Variants in CAND2 observed in about 807,000 individuals in gnomAD.
CAND2 encodes cullin-associated NEDD8-dissociated protein 2.
CAND2 carries 62 observed loss-of-function variants against 98.9 expected under a neutral mutation model. The ratio of observed to expected loss-of-function variants is 0.63; its 90% CI spans 0.51 to 0.77. The LOEUF is 0.77. CAND2 is among the 30% of genes least tolerant of loss of function. The pLI, the probability that CAND2 is intolerant of heterozygous loss-of-function variation, is 0.00. For synonymous variants in CAND2, 770 were observed against 731.9 expected (o/e 1.05, Z -0.84); for missense variants, 1,501 against 1,655.2 (o/e 0.91, Z 1.62).
intron 13 of CAND2, among the ~76,000 whole-genome samples, chr3:12,830,455 G>T (rs528855267): frequency 6.6e-6 from 1 of 152,318 alleles, no homozygotes; most frequent in South Asian, 2.1e-4. Flanking sequence ...ACAGAGTGAG[G>T]AGTTCTGGGC....
intron 2 of CAND2, 47 bp downstream of exon 2, chr3:12,803,678 T>G: frequency 6.6e-7 from 1 of 1,524,258 alleles, no homozygotes; most frequent in Non-Finnish European, 8.8e-7. Context: ...CTACCTTGTG[T>G]GGGAGCATCC....
chr3:12,813,754 C>T (rs1029814630), intron 7 of CAND2, among the ~76,000 whole-genome samples: 6 of 152,208 alleles, frequency 3.9e-5, no homozygotes, highest in Admixed American at 2.0e-4. Flanking sequence ...GCACTGCCAC[C>T]GTGTACCCTT....
At chr3:12,800,904 G>A (rs2061761167) in intron 1 of CAND2, among the ~76,000 whole-genome samples, 1 of 151,760 alleles carries the variant, frequency 6.6e-6, no homozygotes, top group South Asian at 2.1e-4. Context: ...CGTATTTTTA[G>A]TAGAGATGGG....
chr3:12,802,399 G>A (rs961930570), intron 1 of CAND2, among the ~76,000 whole-genome samples: 2 of 152,196 alleles, frequency 1.3e-5, no homozygotes, highest in Non-Finnish European at 2.9e-5. Flanking sequence ...ATGATGTCCT[G>A]TGCCATTATA....
intron 1 of CAND2, among the ~76,000 whole-genome samples, chr3:12,798,053 C>A (rs6794014): frequency 0.071 from 10,752 of 152,050 alleles, 477 homozygotes; most frequent in African/African-American, 0.12. Context: ...CCATGAGTCT[C>A]CCTGTGCTTC....
chr3:12,812,072 C>G (rs1036148860), intron 5 of CAND2, among the ~76,000 whole-genome samples: 1 of 151,412 alleles, frequency 6.6e-6, no homozygotes, highest in Non-Finnish European at 1.5e-5. Flanking sequence ...CCACGTGCAG[C>G]TAATTTTTGT....
chr3:12,833,715 C>G lies in CAND2; in HGVS notation c.3484-40C>G, dbSNP rs763191096. 11 of 1,533,666 alleles carry G rather than the reference C, an allele frequency of 7.2e-6. No individual in the cohort carries two copies. The Admixed American group carries it at 1.8e-4, about 26-fold the overall frequency. ...TGAGGAGGCAGTGGTGTGGGCCAGG[C>G]TCAATAAAGGATGGCTGCTTCTGCT... On this transcript the variant is annotated intron_variant, in intron 14 of 14. Coordinates refer to ENST00000456430, the MANE Select transcript of CAND2 (RefSeq NM_001162499.2).
chr3:12,821,353 T>TTG (rs1256318767), intron 11 of CAND2, among the ~76,000 whole-genome samples: 1 of 151,984 alleles, frequency 6.6e-6, no homozygotes, highest in Non-Finnish European at 1.5e-5. Flanking sequence ...TGAGCCAAGA[T>TTG]CGTACCATTG....
intron 13 of CAND2, 88 bp downstream of exon 13, chr3:12,827,692 C>T: frequency 7.8e-7 from 1 of 1,280,268 alleles, no homozygotes; most frequent in Non-Finnish European, 1.1e-6. Context: ...TGTCCTTGCT[C>T]CCTACTCCAG....
At chr3:12,812,809 G>A (rs2061863875) in intron 5 of CAND2, among the ~76,000 whole-genome samples, 181 bp from the exon 6 acceptor site, 1 of 152,226 alleles carries the variant, frequency 6.6e-6, no homozygotes, top group South Asian at 2.1e-4. Context: ...ACCTGCCCAA[G>A]GTCCCATAGC....
intron 11 of CAND2, among the ~76,000 whole-genome samples, chr3:12,822,360 T>TC (rs1267858946): frequency 6.8e-6 from 1 of 148,002 alleles, no homozygotes; most frequent in African/African-American, 2.5e-5. Flanking sequence ...AATGGCACAG[T>TC]CATACCTTAC....
intron 2 of CAND2, among the ~76,000 whole-genome samples, chr3:12,806,874 C>T (rs1316832119): frequency 6.6e-6 from 1 of 152,188 alleles, no homozygotes; most frequent in Non-Finnish European, 1.5e-5. Flanking sequence ...CAGAGGTTCT[C>T]CAAGTGTGCT....
chr3:12,833,735 TCTG>T lies in CAND2; in HGVS notation c.3484-16_3484-14del, dbSNP rs1282221449. On this transcript the variant is annotated splice_polypyrimidine_tract_variant and intron_variant, in intron 14 of 14. Coordinates refer to ENST00000456430, the MANE Select transcript of CAND2 (RefSeq NM_001162499.2). ...CCAGGCTCAATAAAGGATGGCTGCTTCTGCTGTTTCCTACTTTAGGTCAAAGCT... is the reference window on the plus strand; with the variant it reads ...CCAGGCTCAATAAAGGATGGCTGCTTCTGTTTCCTACTTTAGGTCAAAGCT... 4 of 1,603,146 alleles carry T rather than the reference TCTG, an allele frequency of 2.5e-6. No homozygotes were observed. Among genetic ancestry groups the T allele is most frequent in the Non-Finnish European group, 3.4e-6 (4 of 1,170,190 alleles).
chr3:12,804,598 G>C (rs781110222), intron 2 of CAND2, among the ~76,000 whole-genome samples: 3 of 152,188 alleles, frequency 2.0e-5, no homozygotes, highest in South Asian at 2.1e-4. Flanking sequence ...GACAAGACAA[G>C]GGTATGTGCA....
chr3:12,815,404 G>C lies in CAND2; in HGVS notation c.1270G>C (p.Gly424Arg), dbSNP rs62637645. 1.2e-6 allele frequency: 2 copies of C among 1,613,092 alleles called. No individual in the cohort carries two copies. The highest frequency in any genetic ancestry group is 8.5e-7 in the Non-Finnish European group (1 of 1,179,678). ...GGCCATGGAGGAACCCACCCAGACC[G>C]GCAGCAACCTCCATATGCTACGTGG... ...LEAMEEPTQT[G>R]SNLHMLRGQV... Residue 424 changes from glycine to arginine, a missense_variant, in exon 8 of 15, where the codon GGC becomes CGC. By Grantham distance (125) the Gly-to-Arg change is moderately radical. Around this residue, in one of 3 missense-constraint regions of CAND2, gnomAD observed 1,427 missense variants for 1,545.3 expected, o/e 0.92. Transcript: ENST00000456430. The surrounding 1 kb of genome is among the most constrained non-coding windows in gnomAD (Gnocchi z 5.7).
Position 12,815,355 on chromosome 3 carries a change from A to G in CAND2, c.1221A>G (p.Thr407=), listed in dbSNP as rs372471540. ...FTAYIVLLRQ[T]QPPKGWLEAM... The stretch of plus-strand genomic sequence containing the variant: ...CTTACATCGTGCTGCTGCGGCAAAC[A>G]CAGCCCCCGAAGGGATGGCTGGAGG... Residue 407 remains threonine (T), a synonymous_variant, in exon 8 of 15, where the codon ACA becomes ACG. Transcript: ENST00000456430. The surrounding 1 kb of genome is among the most constrained non-coding windows in gnomAD (Gnocchi z 5.7). 2.9e-4 allele frequency: 462 copies of G among 1,613,818 alleles called. No homozygotes were observed. Among genetic ancestry groups the G allele is most frequent in the Non-Finnish European group, 3.5e-4 (418 of 1,180,042 alleles).
At chr3:12,827,739 T>C (rs2062016084) in intron 13 of CAND2, 135 bp downstream of exon 13, 2 of 826,892 alleles carry the variant, frequency 2.4e-6, no homozygotes, top group Non-Finnish European at 3.7e-6. Flanking sequence ...TGTTTTCTGA[T>C]AAGAAAAGGA....
chr3:12,817,782 G>T lies in CAND2; in HGVS notation c.2850G>T (p.Glu950Asp). 6.5e-7 allele frequency: 1 copy of T among 1,537,394 alleles called. No homozygotes were observed. Among genetic ancestry groups the T allele is most frequent in the African/African-American group, 1.4e-5 (1 of 72,712 alleles). The change falls in exon 10 of 15, where the codon GAG becomes GAT. Residue 950 changes from glutamate to aspartate, a missense_variant. Coordinates refer to ENST00000456430, the MANE Select transcript of CAND2 (RefSeq NM_001162499.2). The stretch of plus-strand genomic sequence containing the variant: ...TCCAGCGCTGCGAGGGTGCTGAGGA[G>T]GGCACCCGGGGGGTGGTGGCCGAGT... The part of the protein sequence containing the change: ...LLFQRCEGAE[E>D]GTRGVVAECI...
intron 14 of CAND2, among the ~76,000 whole-genome samples, chr3:12,833,115 A>T (rs1449634798): frequency 1.3e-5 from 2 of 152,194 alleles, no homozygotes; most frequent in African/African-American, 2.4e-5. Context: ...CCAAGCTGTT[A>T]CCCACTGCAT....
Sources: gnomAD v4.1 joint callset for allele counts (sites outside exome capture counted in the v4.1 genomes callset) on GRCh38, gnomAD v4.1.1 for gene constraint, gnomAD v4.1.1 regional missense constraint, Gnocchi (gnomAD v3.1) non-coding constraint, MANE v1.5 for transcripts, NCBI Gene and HGNC (gene_info 2026-07-23, HGNC 2026-07-21) for gene names.